Variants in KAT2B observed in about 807,000 individuals in gnomAD.
KAT2B encodes the protein histone acetyltransferase KAT2B.
Under a neutral mutation model 105.9 loss-of-function variants are expected in KAT2B, and 36 were observed. That is an observed-to-expected ratio of 0.34 (90% CI 0.26 to 0.45). The LOEUF (loss-of-function observed/expected upper bound fraction) is 0.45. Among genes scored for constraint, KAT2B ranks in the 20% least tolerant of loss-of-function variants. The pLI, the probability that KAT2B is intolerant of heterozygous loss-of-function variation, is 1.00. For missense variants in KAT2B, 820 were observed against 1,021.6 expected (o/e 0.80, Z 2.69); for synonymous variants, 397 against 377.9 (o/e 1.05, Z -0.59).
intron 1 of KAT2B, among the ~76,000 whole-genome samples, chr3:20,072,105 T>C (rs1440164565): frequency 6.6e-6 from 1 of 152,146 alleles, no homozygotes; most frequent in Non-Finnish European, 1.5e-5. Flanking sequence ...GCGTGAGCTG[T>C]AGCATGCAGA....
At position 20,040,862 on chromosome 3, in the gene KAT2B, T is replaced by G. The variant is rs9849842; in HGVS notation, c.303+82T>G. 58,886 of 1,385,482 alleles carry G rather than the reference T, an allele frequency of 0.043. 1,960 individuals carry two copies. Among genetic ancestry groups the G allele is most frequent in the African/African-American group, 0.16 (10,348 of 65,628 alleles). 85.8% of individuals were successfully genotyped at this position (1,385,482 alleles called of 1,614,324 possible). A position where few individuals can be genotyped will look rare whatever the true frequency, so the allele number is the denominator to read the frequency against. On this transcript the variant is annotated intron_variant, in intron 1 of 17. Transcript: ENST00000263754. ...CCCCCCTCCCCCTCCCGCTTCCACC[T>G]CCGCCTCCCGCCTCCTGCCTCTCGC...
intron 9 of KAT2B, chr3:20,123,053 T>TA (rs1699338701): frequency 1.4e-6 from 1 of 706,742 alleles, no homozygotes; most frequent in Non-Finnish European, 1.7e-6. Flanking sequence ...CCCAGCTTTT[T>TA]ATCTTGAAAA....
Position 20,072,446 on chromosome 3 carries a change from T to C in KAT2B, c.417T>C (p.Cys139=), listed in dbSNP as rs772950002. 2 of 1,613,822 alleles carry C rather than the reference T, an allele frequency of 1.2e-6. No homozygotes were observed. Among genetic ancestry groups the C allele is most frequent in the South Asian group, 2.2e-5 (2 of 91,064 alleles). ...GTCTAACAGAATCCTGTCGGAGTTGTAGCCATGCCCTAGGTGAGTTCCTAA... is the reference window on the plus strand; with the variant it reads ...GTCTAACAGAATCCTGTCGGAGTTGCAGCCATGCCCTAGGTGAGTTCCTAA... ...IVSLTESCRS[C]SHALAAHVSH... The change falls in exon 2 of 18, where the codon TGT becomes TGC. Residue 139 remains cysteine, a synonymous_variant. Transcript: ENST00000263754.
chr3:20,093,918 A>G (rs1698765402), intron 2 of KAT2B, among the ~76,000 whole-genome samples: 3 of 152,174 alleles, frequency 2.0e-5, no homozygotes, highest in Non-Finnish European at 4.4e-5. Context: ...TGGTTTATCT[A>G]GGGATCCTTT....
At chr3:20,080,077 GTTC>G (rs147806208) in intron 2 of KAT2B, among the ~76,000 whole-genome samples, 1,811 of 152,206 alleles carry the variant, frequency 0.012, 38 homozygotes, top group African/African-American at 0.042. Context: ...AGCTTCTGGA[GTTC>G]TTATTTCCAT....
At chr3:20,092,893 G>T (rs1698747933) in intron 2 of KAT2B, among the ~76,000 whole-genome samples, 1 of 151,810 alleles carries the variant, frequency 6.6e-6, no homozygotes, top group African/African-American at 2.4e-5. Context: ...GTAGAGATGG[G>T]GTTTCACCAT....
chr3:20,072,698 G>T (rs1698346945), intron 2 of KAT2B, among the ~76,000 whole-genome samples: 1 of 152,162 alleles, frequency 6.6e-6, no homozygotes, highest in Non-Finnish European at 1.5e-5. Context: ...TGGACTGGGG[G>T]ATTGCCAAAT....
chr3:20,117,706 C>T (rs770213985), intron 7 of KAT2B, among the ~76,000 whole-genome samples: 2 of 152,064 alleles, frequency 1.3e-5, no homozygotes, highest in African/African-American at 2.4e-5. Context: ...TGTGTTGAAA[C>T]GTAGATGAAC....
At chr3:20,083,805 A>C (rs910094333) in intron 2 of KAT2B, among the ~76,000 whole-genome samples, 1 of 152,284 alleles carries the variant, frequency 6.6e-6, no homozygotes, top group East Asian at 1.9e-4. Context: ...TAAAGGAATG[A>C]ATGATGGGCT....
chr3:20,082,071 G>C (rs185521363), intron 2 of KAT2B, among the ~76,000 whole-genome samples: 4 of 152,144 alleles, frequency 2.6e-5, no homozygotes, highest in Non-Finnish European at 4.4e-5. Flanking sequence ...GACCCACTCT[G>C]TTGCTCAGGC....
intron 12 of KAT2B, chr3:20,137,748 C>T (rs1699627604): frequency 6.6e-6 from 1 of 152,656 alleles, no homozygotes; most frequent in Non-Finnish European, 1.5e-5. Flanking sequence ...TCTCGAGCTC[C>T]TGGACTCAAG....
At chr3:20,092,848 C>T (rs926616515) in intron 2 of KAT2B, among the ~76,000 whole-genome samples, 2 of 151,872 alleles carry the variant, frequency 1.3e-5, no homozygotes, top group African/African-American at 2.4e-5. Context: ...ACTACAGGCA[C>T]GCACCACCAT....
At chr3:20,095,976 C>T (rs1045991044) in intron 3 of KAT2B, among the ~76,000 whole-genome samples, 1 of 152,010 alleles carries the variant, frequency 6.6e-6, no homozygotes, top group African/African-American at 2.4e-5. Flanking sequence ...AGATAGGAGC[C>T]ATCTGTGCAA....
At chr3:20,144,511 G>C (rs1225620877) in intron 13 of KAT2B, among the ~76,000 whole-genome samples, 1 of 151,240 alleles carries the variant, frequency 6.6e-6, no homozygotes, top group African/African-American at 2.4e-5. Flanking sequence ...GGATGGTCTC[G>C]ATCTCCTGAC....
intron 5 of KAT2B, among the ~76,000 whole-genome samples, chr3:20,103,094 C>T (rs1305125388): frequency 6.6e-6 from 1 of 152,056 alleles, no homozygotes; most frequent in Admixed American, 6.5e-5. Context: ...CAGATTTCTT[C>T]AAAATAAGTT....
intron 1 of KAT2B, among the ~76,000 whole-genome samples, chr3:20,047,181 A>G (rs1370845153): frequency 6.6e-6 from 1 of 150,386 alleles, no homozygotes; most frequent in East Asian, 2.0e-4. Context: ...TCTCCCAAGT[A>G]GCTGGGAGGC....
chr3:20,087,834 G>A (rs1040027730), intron 2 of KAT2B, among the ~76,000 whole-genome samples: 2 of 152,080 alleles, frequency 1.3e-5, no homozygotes, highest in South Asian at 2.1e-4. Context: ...GAATGCAGTG[G>A]TACAATCATA....
intron 17 of KAT2B, among the ~76,000 whole-genome samples, chr3:20,150,611 A>G (rs1699854370): frequency 6.6e-6 from 1 of 152,218 alleles, no homozygotes; most frequent in Non-Finnish European, 1.5e-5. Context: ...ATATTTAGTC[A>G]CCTTTTTTAA....
intron 1 of KAT2B, 129 bp from the exon 2 acceptor site, chr3:20,072,204 A>G (rs942380973): frequency 1.1e-6 from 1 of 913,178 alleles, no homozygotes; most frequent in Non-Finnish European, 1.7e-6. Context: ...TCTTGTGTAT[A>G]TGGCAGACGA....
Sources: allele counts gnomAD v4.1 joint callset (sites outside exome capture counted in the v4.1 genomes callset), GRCh38; gene constraint gnomAD v4.1.1; transcripts MANE v1.5; gene names NCBI Gene and HGNC (gene_info 2026-07-23, HGNC 2026-07-21).